Variants in LRMDA observed in about 807,000 individuals in gnomAD.
The protein encoded by LRMDA is leucine rich melanocyte differentiation associated, also known as leucine-rich melanocyte differentiation-associated protein.
LRMDA carries 18 observed loss-of-function variants against 29.8 expected under a neutral mutation model. The ratio of observed to expected loss-of-function variants is 0.60; its 90% CI spans 0.42 to 0.90. The LOEUF (loss-of-function observed/expected upper bound fraction) is 0.90, where lower values mean the gene tolerates loss of function less well. Among genes scored for constraint, LRMDA ranks in the 40% least tolerant of loss-of-function variants. LRMDA has a pLI of 0.00. For synonymous variants in LRMDA, 125 were observed against 109.4 expected (o/e 1.14, Z -0.89); for missense variants, 273 against 273.9 (o/e 1.00, Z 0.02).
chr10:75,884,131 A>G (rs1337996458), intron 2 of LRMDA, among the ~76,000 whole-genome samples: 1 of 151,932 alleles, frequency 6.6e-6, no homozygotes, highest in East Asian at 1.9e-4. Context: ...ATAGATTTGA[A>G]GAGCTCTTAG....
intron 2 of LRMDA, among the ~76,000 whole-genome samples, chr10:75,486,404 G>A (rs1440206607): frequency 1.3e-5 from 2 of 152,102 alleles, no homozygotes; most frequent in African/African-American, 4.8e-5. Context: ...AGTGCTTACA[G>A]AGGCATTGTT....
At chr10:75,464,054 G>A (rs890954588) in intron 2 of LRMDA, among the ~76,000 whole-genome samples, 1 of 152,030 alleles carries the variant, frequency 6.6e-6, no homozygotes, top group Non-Finnish European at 1.5e-5. Context: ...TACCCGCCTC[G>A]GCCTCCCAAA....
At chr10:76,428,231 T>TGA (rs148602813) in intron 6 of LRMDA, among the ~76,000 whole-genome samples, 8 of 151,884 alleles carry the variant, frequency 5.3e-5, no homozygotes, top group South Asian at 2.1e-4. Context: ...AGTTCTTCAT[T>TGA]GAGAGAGAGA....
intron 5 of LRMDA, among the ~76,000 whole-genome samples, chr10:76,319,825 C>A (rs531943608): frequency 3.9e-5 from 6 of 152,114 alleles, no homozygotes; most frequent in Non-Finnish European, 8.8e-5. Context: ...CATGCCAAAG[C>A]GCTCCACTTG....
intron 6 of LRMDA, among the ~76,000 whole-genome samples, chr10:76,396,771 G>A (rs1057499426): frequency 2.0e-5 from 3 of 152,182 alleles, no homozygotes; most frequent in African/African-American, 7.2e-5. Context: ...GTTGCCAACA[G>A]CCAATGAATT....
At chr10:76,000,373 G>A (rs570763683) in intron 2 of LRMDA, among the ~76,000 whole-genome samples, 3 of 152,250 alleles carry the variant, frequency 2.0e-5, no homozygotes, top group South Asian at 2.1e-4. Flanking sequence ...CCTCCCTCCC[G>A]GTGGAGGTGG....
chr10:76,177,607 C>T lies in LRMDA; in HGVS notation c.516+118824C>T, dbSNP rs115437227. 2.8e-3 allele frequency among the ~76,000 whole-genome samples: 422 copies of T among 152,122 alleles called. 1 individual carries two copies. Among genetic ancestry groups the T allele is most frequent in the African/African-American group, 6.9e-3 (287 of 41,448 alleles). On this transcript the variant is annotated intron_variant, in intron 5 of 6. Coordinates refer to ENST00000611255, the MANE Select transcript of LRMDA (RefSeq NM_001305581.2). ...TAGATGCTCAACTCTTTGAAAATGGCTCCTTTTTCTAAGTAGATAAAAAAA... is the reference window on the plus strand; with the variant it reads ...TAGATGCTCAACTCTTTGAAAATGGTTCCTTTTTCTAAGTAGATAAAAAAA...
At chr10:75,619,981 A>G (rs1841160127) in intron 2 of LRMDA, among the ~76,000 whole-genome samples, 1 of 152,206 alleles carries the variant, frequency 6.6e-6, no homozygotes, top group South Asian at 2.1e-4. Flanking sequence ...TCCTAAAAGC[A>G]TTAGCCCAGC....
intron 2 of LRMDA, among the ~76,000 whole-genome samples, chr10:75,510,017 G>C (rs914677304): frequency 6.6e-6 from 1 of 152,210 alleles, no homozygotes; most frequent in South Asian, 2.1e-4. Context: ...AAACAAAAAT[G>C]CCTGGCAGAG....
At chr10:76,265,657 G>C (rs950650055) in intron 5 of LRMDA, among the ~76,000 whole-genome samples, 3 of 152,276 alleles carry the variant, frequency 2.0e-5, no homozygotes, top group Middle Eastern at 3.4e-3. Context: ...GACCCATCAG[G>C]CCCTTATGGG....
intron 1 of LRMDA, among the ~76,000 whole-genome samples, chr10:75,437,691 A>G (rs1454981256): frequency 6.6e-6 from 1 of 152,208 alleles, no homozygotes; most frequent in Non-Finnish European, 1.5e-5. Flanking sequence ...CAGGTACTTA[A>G]TAATAAATAA....
chr10:76,261,780 A>T (rs1259440233), intron 5 of LRMDA, among the ~76,000 whole-genome samples: 1 of 152,258 alleles, frequency 6.6e-6, no homozygotes, highest in African/African-American at 2.4e-5. Context: ...ACAAAGGTAG[A>T]TAACATTTCT....
At chr10:75,701,280 C>A (rs1306036704) in intron 2 of LRMDA, among the ~76,000 whole-genome samples, 1 of 152,212 alleles carries the variant, frequency 6.6e-6, no homozygotes, top group Non-Finnish European at 1.5e-5. Flanking sequence ...CTCTTCCCTA[C>A]AGGGAGTATT....
At chr10:75,969,473 A>G (rs1454966154) in intron 2 of LRMDA, among the ~76,000 whole-genome samples, 2 of 152,202 alleles carry the variant, frequency 1.3e-5, no homozygotes, top group Non-Finnish European at 2.9e-5. Flanking sequence ...ATTCTCCCCC[A>G]CTGGCATGTA....
intron 6 of LRMDA, among the ~76,000 whole-genome samples, chr10:76,349,944 C>T (rs1841154708): frequency 6.6e-6 from 1 of 151,884 alleles, no homozygotes; most frequent in South Asian, 2.1e-4. Flanking sequence ...CCGGAAACAA[C>T]CCAAAATGAT....
intron 2 of LRMDA, among the ~76,000 whole-genome samples, chr10:75,956,737 T>C (rs923892165): frequency 2.0e-5 from 3 of 152,228 alleles, no homozygotes; most frequent in African/African-American, 7.2e-5. Flanking sequence ...CTGTATTTCA[T>C]GGGAAGAAGG....
intron 5 of LRMDA, among the ~76,000 whole-genome samples, chr10:76,104,875 C>G (rs1259547758): frequency 6.6e-6 from 1 of 152,096 alleles, no homozygotes; most frequent in African/African-American, 2.4e-5. Context: ...CCTGCACTCC[C>G]CTTTCTCAAT....
intron 6 of LRMDA, among the ~76,000 whole-genome samples, chr10:76,534,679 A>G (rs549551484): frequency 2.0e-5 from 3 of 152,356 alleles, no homozygotes; most frequent in Admixed American, 6.5e-5. Flanking sequence ...TTATCAAGGC[A>G]TATTCCAAAA....
intron 5 of LRMDA, among the ~76,000 whole-genome samples, chr10:76,277,787 C>T (rs900363342): frequency 4.6e-5 from 7 of 152,156 alleles, no homozygotes; most frequent in African/African-American, 1.2e-4. Flanking sequence ...TGTTCTGTAG[C>T]TTCAGAAAAT....
Sources: allele counts gnomAD v4.1 joint callset (sites outside exome capture counted in the v4.1 genomes callset), GRCh38; gene constraint gnomAD v4.1.1; transcripts MANE v1.5; gene names NCBI Gene and HGNC (gene_info 2026-07-23, HGNC 2026-07-21).